Variants in BIRC6 observed in about 807,000 individuals in gnomAD.
The protein encoded by BIRC6 is dual E2 ubiquitin-conjugating enzyme/E3 ubiquitin-protein ligase BIRC6.
A neutral mutation model predicts 503.3 loss-of-function variants in BIRC6; 98 were observed. The observed-to-expected ratio is 0.19, with a 90% CI of 0.17 to 0.23. The LOEUF (loss-of-function observed/expected upper bound fraction) is 0.23. Ranked by LOEUF, BIRC6 falls within the 10% of genes least tolerant of loss-of-function variation. BIRC6 has a pLI of 1.00. For missense variants in BIRC6, 5,360 were observed against 5,806.0 expected, an observed-to-expected ratio of 0.92 and a Z score of 2.50; for synonymous variants, 2,240 against 2,078.7, an observed-to-expected ratio of 1.08 and a Z score of -2.11.
intron 57 of BIRC6, chr2:32,523,348 G>T (rs1035825017): frequency 6.6e-6 from 1 of 152,130 alleles, no homozygotes; most frequent in Non-Finnish European, 1.5e-5. Flanking sequence ...GGTAATAAAT[G>T]AAAATTGGCT....
At chr2:32,448,699 G>T in intron 21 of BIRC6, 96 bp from the exon 22 acceptor site, 2 of 1,085,696 alleles carry the variant, frequency 1.8e-6, no homozygotes, top group South Asian at 1.6e-5. Flanking sequence ...AGAGCCCTCT[G>T]CGCTGTTAGT....
At chr2:32,386,076 A>C (rs556939552) in intron 3 of BIRC6, among the ~76,000 whole-genome samples, 1 of 152,162 alleles carries the variant, frequency 6.6e-6, no homozygotes, top group South Asian at 2.1e-4. Context: ...GCGTGCTGTC[A>C]TGATGTAGTG....
At chr2:32,431,181 C>CTTTTTTTTTTATTTTTTTTTTTT (rs2044062940) in intron 12 of BIRC6, 91 bp downstream of exon 12, 1 of 65,364 alleles carries the variant, frequency 1.5e-5, no homozygotes, top group Non-Finnish European at 2.8e-5. Flanking sequence ...TACTGTTTAT[C>CTTTTTTTTTTATTTTTTTTTTTT]TTTTTTTTTT....
intron 22 of BIRC6, among the ~76,000 whole-genome samples, chr2:32,451,649 T>G (rs2148594997): frequency 6.6e-6 from 1 of 152,354 alleles, no homozygotes; most frequent in East Asian, 1.9e-4. Context: ...CATGCTTGTT[T>G]CAGGGAGATG....
chr2:32,535,898 T>G (rs1219063500), intron 61 of BIRC6, among the ~76,000 whole-genome samples: 1 of 152,246 alleles, frequency 6.6e-6, no homozygotes, highest in Non-Finnish European at 1.5e-5. Flanking sequence ...TCCACAATGG[T>G]TGAACTAGTT....
At position 32,476,243 on chromosome 2, in the gene BIRC6, G is replaced by A; in HGVS notation, c.6751G>A (p.Ala2251Thr). ...TAACCTACTAAAAGCAAAGCAGAAG[G>A]CATTGGTAGAACAGATGGAAAAAGA... ...QLNLLKAKQK[A>T]LVEQMEKEKI... Residue 2251 changes from alanine (A) to threonine (T), a missense_variant, in exon 34 of 74, where the codon GCA (alanine) becomes ACA (threonine). Ala to Thr is a moderately conservative substitution (Grantham distance 58, BLOSUM62 0). This residue lies in a region of BIRC6 where 2,299 missense variants were observed against 2,267.2 expected (regional missense o/e 1.01). Transcript: ENST00000421745. 1.3e-6 allele frequency: 2 copies of A among 1,551,458 alleles called. No homozygotes were observed. Among genetic ancestry groups the A allele is most frequent in the East Asian group, 2.4e-5 (1 of 41,142 alleles).
At chr2:32,513,212 C>A (rs2054613457) in intron 54 of BIRC6, 58 bp downstream of exon 54, 6 of 1,241,322 alleles carry the variant, frequency 4.8e-6, no homozygotes, top group South Asian at 2.7e-5. Context: ...TTAGTGTTCA[C>A]TTGATAAAAC....
intron 45 of BIRC6, 78 bp from the exon 46 acceptor site, chr2:32,499,469 C>A: frequency 2.3e-6 from 3 of 1,285,748 alleles, no homozygotes; most frequent in South Asian, 1.6e-5. Flanking sequence ...TACTTAAAAT[C>A]GTTTAATTTT....
At chr2:32,516,387 G>C (rs1489752797) in intron 55 of BIRC6, among the ~76,000 whole-genome samples, 1 of 151,730 alleles carries the variant, frequency 6.6e-6, no homozygotes, top group Non-Finnish European at 1.5e-5. Flanking sequence ...GTGGTGGCAT[G>C]TGCCTGGAAT....
At chr2:32,473,705 TCG>T (rs1491560689) in intron 33 of BIRC6, among the ~76,000 whole-genome samples, 2 of 111,498 alleles carry the variant, frequency 1.8e-5, no homozygotes, top group East Asian at 2.9e-4. Context: ...TTCTCCTTTT[TCG>T]TGTGTGTGTG....
intron 33 of BIRC6, among the ~76,000 whole-genome samples, chr2:32,474,842 C>G (rs569004874): frequency 3.3e-5 from 5 of 152,022 alleles, no homozygotes; most frequent in African/African-American, 7.2e-5. Flanking sequence ...TGTGTACATG[C>G]TAGTTTTAAT....
chr2:32,575,529 C>T (rs1375090627), intron 66 of BIRC6, among the ~76,000 whole-genome samples, 163 bp downstream of exon 66: 1 of 152,080 alleles, frequency 6.6e-6, no homozygotes, highest in African/African-American at 2.4e-5. Flanking sequence ...CTGTGGGAGG[C>T]CGAGGTGGAT....
At chr2:32,439,049 TA>T (rs2045085989) in intron 15 of BIRC6, among the ~76,000 whole-genome samples, 1 of 152,190 alleles carries the variant, frequency 6.6e-6, no homozygotes, top group Non-Finnish European at 1.5e-5. Flanking sequence ...TGCACATTTT[TA>T]ACCGTCAGTA....
intron 25 of BIRC6, 21 bp from the exon 26 acceptor site, chr2:32,465,044 T>A (rs542209139): frequency 2.7e-6 from 4 of 1,465,274 alleles, no homozygotes; most frequent in Non-Finnish European, 3.7e-6. Context: ...AAGTTAGATT[T>A]TTTTTTTTTC....
intron 73 of BIRC6, among the ~76,000 whole-genome samples, chr2:32,615,363 A>G (rs568992972): frequency 1.3e-5 from 2 of 152,326 alleles, no homozygotes; most frequent in African/African-American, 2.4e-5. Flanking sequence ...AGGAAAATCA[A>G]GGCTAGGGAA....
chr2:32,420,904 C>T (rs1284586082), intron 10 of BIRC6, among the ~76,000 whole-genome samples: 4 of 147,120 alleles, frequency 2.7e-5, no homozygotes, highest in Admixed American at 1.4e-4. Context: ...TTTTTTCCTG[C>T]TTCATCTGTC....
chr2:32,479,290 G>A (rs1167245003), intron 36 of BIRC6, among the ~76,000 whole-genome samples, 172 bp from the exon 37 acceptor site: 1 of 152,200 alleles, frequency 6.6e-6, no homozygotes, highest in Non-Finnish European at 1.5e-5. Flanking sequence ...TGAAAGTAAT[G>A]GAGTGAGTCC....
In BIRC6 at chr2:32,357,698, CAG is replaced by C. The variant is rs1440828025; in HGVS notation, c.325+213_325+214del. ...CAGTTGGGAGGAAAGACCGGCGAGT[CAG>C]GGAGTGGTGGGAGGGGAGTTGCCTT... On this transcript the variant is annotated intron_variant, in intron 1 of 73. Transcript: ENST00000421745. The surrounding 1 kb of genome is among the most constrained non-coding windows in gnomAD (Gnocchi z 4.9). 1.3e-5 allele frequency among the ~76,000 whole-genome samples: 2 copies of C among 152,084 alleles called. No individual in the cohort carries two copies. The highest frequency in any genetic ancestry group is 2.1e-4 in the South Asian group (1 of 4,818).
chr2:32,503,824 G>A (rs1294917229), intron 49 of BIRC6, among the ~76,000 whole-genome samples: 5 of 152,132 alleles, frequency 3.3e-5, no homozygotes, highest in African/African-American at 1.2e-4. Context: ...TCTTCCGTAA[G>A]TTTTCTCTTT....
Sources: allele counts gnomAD v4.1 joint callset (sites outside exome capture counted in the v4.1 genomes callset), GRCh38; gene constraint gnomAD v4.1.1; regional missense constraint gnomAD v4.1.1; non-coding constraint Gnocchi (gnomAD v3.1); transcripts MANE v1.5; gene names NCBI Gene and HGNC (gene_info 2026-07-23, HGNC 2026-07-21).